SOS2: variants seen among roughly 807,000 people sequenced by gnomAD.
SOS2 encodes the protein son of sevenless homolog 2.
In SOS2, 65 loss-of-function variants were observed where a neutral mutation model predicts 148.2. The ratio of observed to expected loss-of-function variants is 0.44; its 90% CI spans 0.36 to 0.54. SOS2 has a LOEUF of 0.54. SOS2 is among the 20% of genes least tolerant of loss of function. The probability of loss-of-function intolerance (pLI) is 0.00; values close to 1 mark genes in which losing one functional copy is unlikely to be tolerated. For missense variants in SOS2, 1,341 were observed against 1,590.2 expected (o/e 0.84, Z 2.67); for synonymous variants, 539 against 537.1 (o/e 1.00, Z -0.05).
rs1270812285 is a variant in SOS2 at position 50,231,233 on chromosome 14, C to A, written c.51G>T (p.Pro17=). 6 of 1,513,882 alleles carry A rather than the reference C, an allele frequency of 4.0e-6. No homozygotes were observed. Among genetic ancestry groups the A allele is most frequent in the Non-Finnish European group, 5.4e-6 (6 of 1,120,000 alleles). The allele number at this position is 1,513,882 out of a possible 1,614,324, so 93.8% of individuals were successfully genotyped here. Residue 17 remains proline, a synonymous_variant, in exon 1 of 23, where the codon CCG becomes CCT. Coordinates refer to ENST00000216373, the MANE Select transcript of SOS2 (RefSeq NM_006939.4). ...CCGAGACCAACAGTCCCCGCCATTT[C>A]GGACTGTTCTCCTCGCTGAAGAACT... is the stretch of plus-strand genomic sequence containing the variant. ...PYEFFSEENS[P]KWRGLLVSAL...
At chr14:50,203,038 A>G (rs542019051) in intron 2 of SOS2, among the ~76,000 whole-genome samples, 51 of 152,096 alleles carry the variant, frequency 3.4e-4, no homozygotes, top group Middle Eastern at 3.4e-3. Flanking sequence ...ACGTGCCTGT[A>G]GTCCCAGCTA....
rs1313896600 is a variant in SOS2 at position 50,150,237 on chromosome 14, A to T, written c.2162-7T>A. 6.5e-7 allele frequency: 1 copy of T among 1,547,848 alleles called. No individual in the cohort carries two copies. The highest frequency in any genetic ancestry group is 1.7e-5 in the Admixed American group (1 of 59,824). On this transcript the variant is annotated splice_region_variant and splice_polypyrimidine_tract_variant and intron_variant, in intron 13 of 22. Coordinates refer to ENST00000216373, the MANE Select transcript of SOS2 (RefSeq NM_006939.4). ...CATTTTTTCATAGCTTTCCCTGGAA[A>T]AAGAACACATAAAGAAAAATGTCTT...
chr14:50,181,228 C>A (rs923208740), intron 6 of SOS2, among the ~76,000 whole-genome samples: 2 of 152,050 alleles, frequency 1.3e-5, no homozygotes, highest in African/African-American at 4.8e-5. Flanking sequence ...GCGGACGGAT[C>A]ATGAGGTCAG....
Position 50,188,483 on chromosome 14 carries a change from A to T in SOS2, c.714+14T>A. On this transcript the variant is annotated intron_variant, in intron 5 of 22. Coordinates refer to ENST00000216373, the MANE Select transcript of SOS2 (RefSeq NM_006939.4). Reference sequence around the variant, plus strand: ...TTGGGGTACACAGAATTTCAAACCCAAAAAGGTACTTACAGAAGGTTTAAA... The same window carrying T: ...TTGGGGTACACAGAATTTCAAACCCTAAAAGGTACTTACAGAAGGTTTAAA... 6.4e-7 allele frequency: 1 copy of T among 1,566,198 alleles called. No individual in the cohort carries two copies. The highest frequency in any genetic ancestry group is 8.7e-7 in the Non-Finnish European group (1 of 1,148,364).
In SOS2 at chr14:50,135,387, A is replaced by C. The variant is rs571560970; in HGVS notation, c.2959-1148T>G. On this transcript the variant is annotated intron_variant, in intron 18 of 22. Transcript: ENST00000216373. ...ATTTAAGTTTTAACGTAGAAAATTC[A>C]GGTGATTTAGCACTGCCAAAAAAAG... 2.6e-5 allele frequency among the ~76,000 whole-genome samples: 4 copies of C among 151,716 alleles called. No homozygotes were observed. The South Asian group carries it at 8.3e-4, about 31-fold the overall frequency.
intron 4 of SOS2, among the ~76,000 whole-genome samples, chr14:50,191,604 A>G (rs756810191): frequency 6.6e-6 from 1 of 152,158 alleles, no homozygotes; most frequent in Non-Finnish European, 1.5e-5. Flanking sequence ...TTCCATTCTT[A>G]AAACTCTTTT....
intron 21 of SOS2, among the ~76,000 whole-genome samples, chr14:50,120,736 CTTTTTTTTT>C (rs34012845): frequency 1.9e-5 from 2 of 107,500 alleles, no homozygotes; most frequent in African/African-American, 7.2e-5. Flanking sequence ...AATCAGAGAC[CTTTTTTTTT>C]TTTTTTTTTT....
chr14:50,173,351 C>G (rs1332216917), intron 8 of SOS2, among the ~76,000 whole-genome samples: 1 of 151,976 alleles, frequency 6.6e-6, no homozygotes, highest in East Asian at 1.9e-4. Flanking sequence ...CTAATGAATA[C>G]TTATCTCTTT....
At chr14:50,200,557 C>T (rs1002653002) in intron 3 of SOS2, among the ~76,000 whole-genome samples, 5 of 151,586 alleles carry the variant, frequency 3.3e-5, no homozygotes, top group African/African-American at 1.2e-4. Flanking sequence ...CATAAAGATG[C>T]CACAATGGGC....
At chr14:50,225,712 C>G (rs950016173) in intron 1 of SOS2, among the ~76,000 whole-genome samples, 2 of 152,130 alleles carry the variant, frequency 1.3e-5, no homozygotes, top group African/African-American at 4.8e-5. Flanking sequence ...AGGCTCATGT[C>G]ACAAAAATCA....
intron 2 of SOS2, among the ~76,000 whole-genome samples, chr14:50,203,164 T>C (rs1886548088): frequency 6.6e-6 from 1 of 151,698 alleles, no homozygotes; most frequent in Non-Finnish European, 1.5e-5. Flanking sequence ...TAGAAACAAA[T>C]TTCAAAAAAA....
intron 8 of SOS2, among the ~76,000 whole-genome samples, chr14:50,170,911 G>A (rs1236170132): frequency 6.6e-6 from 1 of 150,808 alleles, no homozygotes; most frequent in African/African-American, 2.4e-5. Flanking sequence ...TCAGGAATTC[G>A]AGACCAGCCT....
chr14:50,174,387 A>T, intron 8 of SOS2, 67 bp downstream of exon 8: 1 of 757,312 alleles, frequency 1.3e-6, no homozygotes, highest in Non-Finnish European at 2.0e-6. Context: ...TGTGTCTCCA[A>T]AATTAATTTT....
chr14:50,119,817 T>C (rs905136973), intron 22 of SOS2, among the ~76,000 whole-genome samples: 2 of 147,534 alleles, frequency 1.4e-5, no homozygotes, highest in African/African-American at 5.0e-5. Flanking sequence ...TTTTTTTTTT[T>C]TTTTTTTTTT....
At chr14:50,138,549 ATT>A (rs35961944) in intron 18 of SOS2, 61 bp downstream of exon 18, 249 of 598,476 alleles carry the variant, frequency 4.2e-4, no homozygotes, top group South Asian at 1.1e-3. Flanking sequence ...TATTCATTCT[ATT>A]TTTTTTTTTT....
intron 21 of SOS2, among the ~76,000 whole-genome samples, chr14:50,129,230 G>T (rs1200452926): frequency 6.6e-6 from 1 of 152,130 alleles, no homozygotes; most frequent in Non-Finnish European, 1.5e-5. Flanking sequence ...AAAAATAAGT[G>T]ACTGAGGATA....
At chr14:50,162,725 A>C (rs1303401666) in intron 8 of SOS2, among the ~76,000 whole-genome samples, 1 of 152,196 alleles carries the variant, frequency 6.6e-6, no homozygotes, top group African/African-American at 2.4e-5. Context: ...AACCATGAAA[A>C]TTAATTCTAT....
intron 9 of SOS2, among the ~76,000 whole-genome samples, chr14:50,160,713 G>C (rs555756569): frequency 1.1e-4 from 16 of 152,244 alleles, no homozygotes; most frequent in African/African-American, 3.8e-4. Context: ...AGACTAGGCT[G>C]GGTTGGCCAG....
Position 50,118,675 on chromosome 14 carries a change from G to A in SOS2, c.3668C>T (p.Pro1223Leu), listed in dbSNP as rs1439656850. 1 of 1,613,820 alleles carries A rather than the reference G, an allele frequency of 6.2e-7. No homozygotes were observed. Among genetic ancestry groups the A allele is most frequent in the East Asian group, 2.2e-5 (1 of 44,872 alleles). The part of the protein sequence containing the change: ...PDTPPPVPLR[P>L]PEHFINCPFN... ...TGGACAGTTTATAAAGTGTTCTGGAGGCCGAAGGGGAACTGGTGGAGGGGT... is the reference window on the plus strand; with the variant it reads ...TGGACAGTTTATAAAGTGTTCTGGAAGCCGAAGGGGAACTGGTGGAGGGGT... Residue 1223 changes from proline (P) to leucine (L), a missense_variant, in exon 23 of 23, where the codon CCT becomes CTT. Around this residue, in one of 4 missense-constraint regions of SOS2, gnomAD observed 354 missense variants for 347.7 expected, o/e 1.02. Transcript: ENST00000216373.
Sources: allele counts gnomAD v4.1 joint callset (sites outside exome capture counted in the v4.1 genomes callset), GRCh38; gene constraint gnomAD v4.1.1; regional missense constraint gnomAD v4.1.1; transcripts MANE v1.5; gene names NCBI Gene and HGNC (gene_info 2026-07-23, HGNC 2026-07-21).